The following PTPRD variants were observed in gnomAD, a reference collection of about 807,000 sequenced individuals.
PTPRD encodes receptor-type tyrosine-protein phosphatase delta.
PTPRD carries 34 observed loss-of-function variants against 214.5 expected under a neutral mutation model. The observed-to-expected ratio is 0.16, with a 90% CI of 0.12 to 0.21. PTPRD has a LOEUF of 0.21. Among genes scored for constraint, PTPRD ranks in the 10% least tolerant of loss-of-function variants. The pLI, the probability that PTPRD is intolerant of heterozygous loss-of-function variation, is 1.00. For synonymous variants in PTPRD, 1,128 were observed against 845.7 expected, an observed-to-expected ratio of 1.33 and a Z score of -5.79; for missense variants, 2,545 against 2,398.7, an observed-to-expected ratio of 1.06 and a Z score of -1.27.
chr9:9,575,213 T>G (rs564780275), intron 7 of PTPRD, among the ~76,000 whole-genome samples: 1 of 152,322 alleles, frequency 6.6e-6, no homozygotes, highest in East Asian at 1.9e-4. Flanking sequence ...ACTTTTTATC[T>G]TAGCTTTATC....
intron 8 of PTPRD, among the ~76,000 whole-genome samples, chr9:9,464,118 G>A (rs977485890): frequency 6.6e-6 from 1 of 152,146 alleles, no homozygotes; most frequent in Non-Finnish European, 1.5e-5. Context: ...CTTCTCGGCT[G>A]CAGCACTTTA....
chr9:9,596,142 C>G (rs2093335513), intron 7 of PTPRD, among the ~76,000 whole-genome samples: 2 of 151,822 alleles, frequency 1.3e-5, no homozygotes, highest in Admixed American at 1.3e-4. Flanking sequence ...CACTATTTAT[C>G]ATTATGCTTA....
chr9:9,316,877 G>C (rs191716729), intron 9 of PTPRD, among the ~76,000 whole-genome samples: 282 of 152,136 alleles, frequency 1.9e-3, no homozygotes, highest in Non-Finnish European at 2.5e-3. Flanking sequence ...AAAAACTCTT[G>C]TCTCTTCACT....
chr9:9,975,700 A>G (rs1285978778), intron 4 of PTPRD, among the ~76,000 whole-genome samples: 1 of 152,210 alleles, frequency 6.6e-6, no homozygotes, highest in South Asian at 2.1e-4. Flanking sequence ...TGTTAAGATA[A>G]TAAGAAAGGC....
intron 7 of PTPRD, among the ~76,000 whole-genome samples, chr9:9,624,680 G>C (rs758788813): frequency 6.6e-6 from 1 of 152,066 alleles, no homozygotes; most frequent in African/African-American, 2.4e-5. Flanking sequence ...AAAAAGCCCA[G>C]TTTGCTTACT....
intron 4 of PTPRD, among the ~76,000 whole-genome samples, chr9:10,027,986 C>G (rs1334654377): frequency 6.6e-6 from 1 of 152,066 alleles, no homozygotes; most frequent in African/African-American, 2.4e-5. Flanking sequence ...TCCCACCTGT[C>G]CATTGATGGG....
intron 11 of PTPRD, among the ~76,000 whole-genome samples, chr9:8,977,253 A>T (rs2099272989): frequency 6.6e-6 from 1 of 152,118 alleles, no homozygotes; most frequent in African/African-American, 2.4e-5. Flanking sequence ...TGCAAAATTT[A>T]TCCCACTAAG....
At chr9:9,163,960 C>T (rs1300084126) in intron 10 of PTPRD, among the ~76,000 whole-genome samples, 1 of 152,156 alleles carries the variant, frequency 6.6e-6, no homozygotes, top group Non-Finnish European at 1.5e-5. Context: ...CCTCAGAAAG[C>T]CCTCCTGAAA....
At chr9:9,796,299 A>T (rs1042514710) in intron 5 of PTPRD, among the ~76,000 whole-genome samples, 4 of 152,146 alleles carry the variant, frequency 2.6e-5, no homozygotes, top group African/African-American at 9.7e-5. Flanking sequence ...GTAAGATAAA[A>T]TTCCATGGTG....
intron 39 of PTPRD, among the ~76,000 whole-genome samples, chr9:8,353,247 G>T (rs2075994385): frequency 6.6e-6 from 1 of 152,168 alleles, no homozygotes; most frequent in African/African-American, 2.4e-5. Flanking sequence ...TTATAAGGCA[G>T]TGAGAATCTC....
intron 10 of PTPRD, among the ~76,000 whole-genome samples, chr9:9,047,524 A>G (rs1569503472): frequency 6.6e-6 from 1 of 152,160 alleles, no homozygotes; most frequent in Non-Finnish European, 1.5e-5. Flanking sequence ...TATAGTAACC[A>G]TCATAGTACT....
intron 39 of PTPRD, among the ~76,000 whole-genome samples, chr9:8,358,644 A>C (rs1257756364): frequency 1.3e-5 from 2 of 152,112 alleles, no homozygotes; most frequent in African/African-American, 4.8e-5. Flanking sequence ...TAATTTCAGT[A>C]CTCTTTTTTC....
chr9:9,872,644 G>A (rs1202868367), intron 5 of PTPRD, among the ~76,000 whole-genome samples: 1 of 151,978 alleles, frequency 6.6e-6, no homozygotes, highest in Non-Finnish European at 1.5e-5. Context: ...GCTTTACAAG[G>A]AGATAGAATT....
chr9:8,713,282 C>A (rs1178108289), intron 12 of PTPRD: 20 of 682,260 alleles, frequency 2.9e-5, no homozygotes, highest in Non-Finnish European at 1.3e-5. Flanking sequence ...TGAGCTTTTG[C>A]GGGTGGCGGC....
intron 2 of PTPRD, among the ~76,000 whole-genome samples, chr9:10,471,601 C>A (rs1292635907): frequency 6.6e-6 from 1 of 152,078 alleles, no homozygotes; most frequent in Non-Finnish European, 1.5e-5. Context: ...AAATAACCCA[C>A]ATGAACATCT....
chr9:9,475,476 G>C (rs1471267196), intron 8 of PTPRD, among the ~76,000 whole-genome samples: 1 of 152,140 alleles, frequency 6.6e-6, no homozygotes, highest in Non-Finnish European at 1.5e-5. Context: ...ATGAAGCAAA[G>C]ATAGATTTTA....
intron 5 of PTPRD, among the ~76,000 whole-genome samples, chr9:9,827,671 C>T (rs544213370): frequency 6.6e-6 from 1 of 152,236 alleles, no homozygotes; most frequent in South Asian, 2.1e-4. Flanking sequence ...TCTAATTAAA[C>T]TAAAGAGCTT....
chr9:9,845,415 G>C (rs139258326), intron 5 of PTPRD, among the ~76,000 whole-genome samples: 2 of 151,722 alleles, frequency 1.3e-5, no homozygotes, highest in South Asian at 4.2e-4. Context: ...CCAGGGCATA[G>C]ATTAGACCTA....
rs141950787 is a variant in PTPRD, at chr9:8,736,562, C to T, written c.-103-2616G>A. Among the ~76,000 whole-genome samples, 411 of 152,278 alleles carry T rather than the reference C, an allele frequency of 2.7e-3. 1 individual carries two copies. Among genetic ancestry groups the T allele is most frequent in the African/African-American group, 9.6e-3 (398 of 41,556 alleles). On this transcript the variant is annotated intron_variant, in intron 11 of 45. Coordinates refer to ENST00000381196, the MANE Select transcript of PTPRD (RefSeq NM_002839.4). ...ATGCAGATACCATAGTATGTCATTTCTGAAACTCAGCTTAAGCATGAGAAC... is the reference window on the plus strand; with the variant it reads ...ATGCAGATACCATAGTATGTCATTTTTGAAACTCAGCTTAAGCATGAGAAC...
Sources: gnomAD v4.1 joint callset for allele counts (sites outside exome capture counted in the v4.1 genomes callset) on GRCh38, gnomAD v4.1.1 for gene constraint, MANE v1.5 for transcripts, NCBI Gene and HGNC (gene_info 2026-07-23, HGNC 2026-07-21) for gene names.